The following RBM33 variants were observed in gnomAD, a reference collection of about 807,000 sequenced individuals.
The protein encoded by RBM33 is RNA-binding protein 33.
In RBM33, 28 loss-of-function variants were observed where a neutral mutation model predicts 132.6. The ratio of observed to expected loss-of-function variants is 0.21; its 90% CI spans 0.16 to 0.29. The LOEUF is 0.29. Among genes scored for constraint, RBM33 ranks in the 10% least tolerant of loss-of-function variants. The pLI is 1.00. For missense variants in RBM33, 1,291 were observed against 1,518.5 expected (o/e 0.85, Z 2.49); for synonymous variants, 634 against 593.0 (o/e 1.07, Z -1.01).
intron 3 of RBM33, among the ~76,000 whole-genome samples, chr7:155,674,369 T>C (rs753351042): frequency 2.0e-5 from 3 of 152,202 alleles, no homozygotes; most frequent in Non-Finnish European, 2.9e-5. Context: ...CATACTCTTC[T>C]AGGTGCTCTC....
intron 14 of RBM33, among the ~76,000 whole-genome samples, chr7:155,752,658 C>T (rs1801720347): frequency 6.6e-6 from 1 of 152,172 alleles, no homozygotes; most frequent in Non-Finnish European, 1.5e-5. Flanking sequence ...TGAGGCCGCC[C>T]ATCGCCCTGT....
intron 9 of RBM33, among the ~76,000 whole-genome samples, chr7:155,729,479 G>A (rs1210712952): frequency 1.3e-5 from 2 of 152,160 alleles, no homozygotes; most frequent in African/African-American, 4.8e-5. Context: ...ACTCACACCT[G>A]TAAACCCAGT....
intron 9 of RBM33, among the ~76,000 whole-genome samples, chr7:155,732,820 C>T (rs1189767469): frequency 1.3e-5 from 2 of 152,158 alleles, no homozygotes; most frequent in Non-Finnish European, 2.9e-5. Flanking sequence ...GTGAAGTTAT[C>T]CTGGGCAGTG....
chr7:155,708,768 G>A (rs73734200), intron 7 of RBM33, among the ~76,000 whole-genome samples: 4,399 of 152,266 alleles, frequency 0.029, 212 homozygotes, highest in African/African-American at 0.1. Flanking sequence ...GATCAGGACT[G>A]TGGTATCCTC....
intron 9 of RBM33, among the ~76,000 whole-genome samples, chr7:155,725,898 A>G (rs1269948679): frequency 6.6e-6 from 1 of 152,150 alleles, no homozygotes; most frequent in Admixed American, 6.5e-5. Context: ...ATAAATATCA[A>G]AGTACCCTCT....
intron 9 of RBM33, among the ~76,000 whole-genome samples, chr7:155,735,825 A>G (rs1563167044): frequency 6.6e-6 from 1 of 151,174 alleles, no homozygotes; most frequent in Non-Finnish European, 1.5e-5. Context: ...CATGTATATG[A>G]TATGTATTCT....
At chr7:155,735,426 C>T (rs910182390) in intron 9 of RBM33, among the ~76,000 whole-genome samples, 2 of 152,098 alleles carry the variant, frequency 1.3e-5, no homozygotes, top group East Asian at 3.8e-4. Flanking sequence ...GAATATTGGC[C>T]AGGTGTTGTG....
intron 16 of RBM33, among the ~76,000 whole-genome samples, chr7:155,772,608 A>G (rs1031921970): frequency 3.9e-5 from 6 of 152,226 alleles, no homozygotes; most frequent in African/African-American, 1.4e-4. Flanking sequence ...TAACTTAATG[A>G]CAAGTGAAAC....
intron 3 of RBM33, among the ~76,000 whole-genome samples, chr7:155,673,660 A>G (rs551462917): frequency 9.2e-6 from 1 of 109,288 alleles, no homozygotes; most frequent in African/African-American, 4.6e-5. Context: ...ATATATACAC[A>G]CATATACATA....
In RBM33 at chr7:155,745,104, C is replaced by G. The variant is rs372488564; in HGVS notation, c.2481C>G (p.Leu827=). 3.1e-6 allele frequency: 5 copies of G among 1,598,380 alleles called. No homozygotes were observed. The highest frequency in any genetic ancestry group is 3.4e-6 in the Non-Finnish European group (4 of 1,172,172). The change falls in exon 14 of 18, where the codon CTC becomes CTG. Residue 827 remains leucine, a synonymous_variant. Coordinates refer to ENST00000401878, the MANE Select transcript of RBM33 (RefSeq NM_053043.3). The surrounding 1 kb of genome is among the most constrained non-coding windows in gnomAD (Gnocchi z 4.1). The part of the protein sequence containing the change: ...GARKKELLER[L]AQQQQQLYAP... ...GGAAGAAGGAGCTGCTGGAGAGACT[C>G]GCGCAGCAACAGCAGCAGCTGTACG...
intron 16 of RBM33, among the ~76,000 whole-genome samples, chr7:155,769,379 C>G (rs918762995): frequency 6.6e-6 from 1 of 152,164 alleles, no homozygotes; most frequent in Non-Finnish European, 1.5e-5. Flanking sequence ...CCTGGCTGGG[C>G]CCTAGTGACC....
At chr7:155,666,278 A>G (rs772977578) in intron 2 of RBM33, among the ~76,000 whole-genome samples, 2 of 152,220 alleles carry the variant, frequency 1.3e-5, no homozygotes, top group Admixed American at 1.3e-4. Flanking sequence ...CCTGAGAACC[A>G]GGAGCACCCA....
chr7:155,656,782 A>G (rs946905657), intron 1 of RBM33, among the ~76,000 whole-genome samples: 92 of 152,262 alleles, frequency 6.0e-4, no homozygotes, highest in African/African-American at 2.0e-3. Flanking sequence ...AAGTTTGACT[A>G]TTCTTTTTAA....
intron 16 of RBM33, among the ~76,000 whole-genome samples, chr7:155,769,228 C>T (rs17837572): frequency 0.039 from 5,994 of 152,076 alleles, 388 homozygotes; most frequent in African/African-American, 0.14. Context: ...TTTCTGTCTA[C>T]TCATAAACCA....
chr7:155,763,788 G>T, intron 14 of RBM33, 24 bp from the exon 15 acceptor site: 1 of 1,593,474 alleles, frequency 6.3e-7, no homozygotes, highest in Non-Finnish European at 8.6e-7. Context: ...ACTGAACAAC[G>T]TGCTGCCTTC....
At chr7:155,696,955 T>G (rs1026443960) in intron 5 of RBM33, among the ~76,000 whole-genome samples, 2 of 152,200 alleles carry the variant, frequency 1.3e-5, no homozygotes, top group Admixed American at 6.5e-5. Context: ...GGTTGTGGAT[T>G]TTGGAAAGAA....
intron 5 of RBM33, among the ~76,000 whole-genome samples, chr7:155,694,614 GTTC>G (rs1192976352): frequency 6.6e-6 from 1 of 152,162 alleles, no homozygotes; most frequent in Admixed American, 6.5e-5. Context: ...AGAGTAAAGC[GTTC>G]TTATTTCTAT....
At chr7:155,688,658 C>T (rs1563144828) in intron 5 of RBM33, among the ~76,000 whole-genome samples, 1 of 152,078 alleles carries the variant, frequency 6.6e-6, no homozygotes, top group Non-Finnish European at 1.5e-5. Context: ...CCCATCAATA[C>T]CTAATTTATT....
At position 155,746,955 on chromosome 7, in the gene RBM33, C is replaced by T. The variant is rs778426029; in HGVS notation, c.2979+1353C>T. The stretch of plus-strand genomic sequence containing the variant: ...GATCATGTGAAGGAGAACGTTACTT[C>T]GTCTCCTTGCTTGTGCTTAAGAATA... On this transcript the variant is annotated intron_variant, in intron 14 of 17. Coordinates refer to ENST00000401878, the MANE Select transcript of RBM33 (RefSeq NM_053043.3). 9.2e-5 allele frequency among the ~76,000 whole-genome samples: 14 copies of T among 152,314 alleles called. No homozygotes were observed. In the Middle Eastern group the frequency reaches 0.01, roughly 112 times the overall value.
Sources: allele counts gnomAD v4.1 joint callset (sites outside exome capture counted in the v4.1 genomes callset), GRCh38; gene constraint gnomAD v4.1.1; non-coding constraint Gnocchi (gnomAD v3.1); transcripts MANE v1.5; gene names NCBI Gene and HGNC (gene_info 2026-07-23, HGNC 2026-07-21).